EML1: variants seen among roughly 807,000 people sequenced by gnomAD.
EML1 encodes the protein EMAP like 1.
A neutral mutation model predicts 110.4 loss-of-function variants in EML1; 27 were observed. The observed-to-expected ratio is 0.24, with a 90% CI of 0.18 to 0.34. The LOEUF (loss-of-function observed/expected upper bound fraction) is 0.34, where lower values mean the gene tolerates loss of function less well. Among genes scored for constraint, EML1 ranks in the 10% least tolerant of loss-of-function variants. The pLI is 1.00. For missense variants in EML1, 741 were observed against 1,030.9 expected, an observed-to-expected ratio of 0.72 and a Z score of 3.85; for synonymous variants, 344 against 385.8, an observed-to-expected ratio of 0.89 and a Z score of 1.27.
chr14:99,803,205 T>C (rs2057913788), intron 1 of EML1, among the ~76,000 whole-genome samples: 1 of 152,190 alleles, frequency 6.6e-6, no homozygotes, highest in Non-Finnish European at 1.5e-5. Flanking sequence ...CCATCTTATT[T>C]ATCTTATAGC....
At chr14:99,873,074 G>A (rs2059231649) in intron 3 of EML1, among the ~76,000 whole-genome samples, 1 of 152,172 alleles carries the variant, frequency 6.6e-6, no homozygotes, top group South Asian at 2.1e-4. Flanking sequence ...GAAAATCCAG[G>A]GAAGACATTG....
Position 99,753,208 on chromosome 14 carries a change from C to T in EML1, c.28+15348C>T, listed in dbSNP as rs1311814461. Among the ~76,000 whole-genome samples, 7 of 134,174 alleles carry T rather than the reference C, an allele frequency of 5.2e-5. 1 individual carries two copies. The highest frequency in any genetic ancestry group is 1.1e-4 in the Non-Finnish European group (7 of 61,314). 88.0% of individuals were successfully genotyped at this position (134,174 alleles called of 152,430 possible). Reference sequence around the variant, plus strand: ...ACCCGCACCCCCCGCCCCCCCGCCGCCCCCCCACCCCCCACTGCCCCCGCA... The same window carrying T: ...ACCCGCACCCCCCGCCCCCCCGCCGTCCCCCCACCCCCCACTGCCCCCGCA... On this transcript the variant is annotated intron_variant, in intron 1 of 10. Coordinates refer to the EML1 transcript ENST00000554479.
At chr14:99,741,803 C>A (rs2057045953) in intron 1 of EML1, among the ~76,000 whole-genome samples, 1 of 152,152 alleles carries the variant, frequency 6.6e-6, no homozygotes, top group African/African-American at 2.4e-5. Context: ...GGTGGGGGGG[C>A]CTGGCGTGGT....
chr14:99,801,089 C>T (rs1459683636), intron 1 of EML1, among the ~76,000 whole-genome samples: 1 of 152,216 alleles, frequency 6.6e-6, no homozygotes, highest in Admixed American at 6.5e-5. Context: ...CTCTGCAAAG[C>T]CCCTGTAAGG....
intron 1 of EML1, among the ~76,000 whole-genome samples, chr14:99,812,561 C>T (rs569220556): frequency 1.3e-4 from 19 of 151,064 alleles, no homozygotes; most frequent in African/African-American, 3.6e-4. Context: ...CATTGTCCCA[C>T]GGCCCTCCCT....
At chr14:99,793,268 C>T (rs1466220334), upstream of EML1, 5 of 938,994 alleles carry the variant, frequency 5.3e-6, no homozygotes, top group African/African-American at 3.6e-5. Context: ...CCGCCGAGGC[C>T]GCCCCCTCGC....
At position 99,739,065 on chromosome 14, in the gene EML1, A is replaced by AGTGTGTGTGTGTGTGTGTGT. The variant is rs35246718; in HGVS notation, c.28+1213_28+1232dup. 6.0e-3 allele frequency among the ~76,000 whole-genome samples: 840 copies of AGTGTGTGTGTGTGTGTGTGT among 138,952 alleles called. 6 individuals carry two copies. Among genetic ancestry groups the AGTGTGTGTGTGTGTGTGTGT allele is most frequent in the Non-Finnish European group, 9.6e-3 (631 of 65,480 alleles). 91.2% of individuals were successfully genotyped at this position (138,952 alleles called of 152,430 possible). A position where few individuals can be genotyped will look rare whatever the true frequency, so the allele number is the denominator to read the frequency against. On this transcript the variant is annotated intron_variant, in intron 1 of 10. Coordinates refer to the EML1 transcript ENST00000554479. ...GGAACAGAGCAAGTGAGAGTGTGAG[A>AGTGTGTGTGTGTGTGTGTGT]GTGTGTGTGTGTGTGTGTGTGTGTG...
rs12432209 is a variant in EML1 at position 99,865,318 on chromosome 14, G to A, written c.251-196G>A. Reference sequence around the variant, plus strand: ...TATGAGAATCTAATCTGATCTGACAGGAGGCAGAGCTCAGGTGGTAACATG... The same window carrying A: ...TATGAGAATCTAATCTGATCTGACAAGAGGCAGAGCTCAGGTGGTAACATG... On this transcript the variant is annotated intron_variant, in intron 2 of 21. Transcript: ENST00000262233. Among the ~76,000 whole-genome samples, 40,358 of 152,072 alleles carry A rather than the reference G, an allele frequency of 0.27. 5,834 individuals carry two copies. The highest frequency in any genetic ancestry group is 0.32 in the Non-Finnish European group (21,843 of 67,980).
intron 1 of EML1, among the ~76,000 whole-genome samples, chr14:99,750,520 A>ACCTCT (rs1024762993): frequency 3.3e-5 from 5 of 152,050 alleles, no homozygotes. Flanking sequence ...AAGTCAGATA[A>ACCTCT]CCTCTCTGGG....
intron 1 of EML1, among the ~76,000 whole-genome samples, chr14:99,829,418 G>A (rs2058413314): frequency 1.3e-5 from 2 of 152,156 alleles, no homozygotes; most frequent in South Asian, 2.1e-4. Flanking sequence ...TTTCTTGAAA[G>A]CCAGTCTTTC....
intron 17 of EML1, 91 bp from the exon 18 acceptor site, chr14:99,935,938 C>T (rs1383240717): frequency 5.7e-6 from 7 of 1,224,368 alleles, no homozygotes; most frequent in Non-Finnish European, 8.3e-6. Context: ...GTGATTTTGT[C>T]TAAATCTGTG....
intron 3 of EML1, among the ~76,000 whole-genome samples, chr14:99,878,183 T>C (rs2059325887): frequency 6.6e-6 from 1 of 151,542 alleles, no homozygotes; most frequent in Non-Finnish European, 1.5e-5. Flanking sequence ...TGAAGCCTAC[T>C]CAAGGGCAGG....
At chr14:99,832,205 T>C (rs988926975) in intron 1 of EML1, among the ~76,000 whole-genome samples, 12 of 152,210 alleles carry the variant, frequency 7.9e-5, no homozygotes, top group African/African-American at 2.7e-4. Context: ...CTTGTATCAA[T>C]GTTAATATGT....
chr14:99,896,606 C>T (rs1453240669), intron 6 of EML1, among the ~76,000 whole-genome samples: 2 of 152,172 alleles, frequency 1.3e-5, no homozygotes, highest in African/African-American at 4.8e-5. Context: ...CATTATTTGG[C>T]ATCTTGCCGG....
At chr14:99,770,174 C>T (rs1240078357), upstream of EML1, among the ~76,000 whole-genome samples, 2 of 152,122 alleles carry the variant, frequency 1.3e-5, no homozygotes, top group Non-Finnish European at 2.9e-5. Flanking sequence ...AAAAGAATAT[C>T]ATAGACTTGG....
At chr14:99,753,794 G>T (rs1322837065) in intron 1 of EML1, among the ~76,000 whole-genome samples, 2 of 152,202 alleles carry the variant, frequency 1.3e-5, no homozygotes, top group Non-Finnish European at 2.9e-5. Flanking sequence ...GAAAATTGCT[G>T]TCTGCAAGGC....
chr14:99,826,896 C>A (rs2058369854), intron 1 of EML1, among the ~76,000 whole-genome samples: 1 of 152,180 alleles, frequency 6.6e-6, no homozygotes, highest in East Asian at 1.9e-4. Flanking sequence ...AGGACTTCAT[C>A]TTGACTAGGG....
rs2058371859 is a variant in EML1 at position 99,827,011 on chromosome 14, A to G, written c.68-23842A>G. ...TCATTCATTCAGCGCCAGATTTTGTACACGTACTAAGTGCTGAATAAATAC... is the reference window on the plus strand; with the variant it reads ...TCATTCATTCAGCGCCAGATTTTGTGCACGTACTAAGTGCTGAATAAATAC... On this transcript the variant is annotated intron_variant, in intron 1 of 21. Transcript: ENST00000262233. This position sits in a 1 kb window ranked among gnomAD's most constrained non-coding sequence, Gnocchi z 4.4. Among the ~76,000 whole-genome samples the G allele has an allele frequency of 6.6e-6, 1 of 151,888 alleles. No individual in the cohort carries two copies. The highest frequency in any genetic ancestry group is 2.4e-5 in the African/African-American group (1 of 41,428).
chr14:99,771,632 T>G (rs1216459207), upstream of EML1, among the ~76,000 whole-genome samples: 1 of 152,126 alleles, frequency 6.6e-6, no homozygotes, highest in East Asian at 1.9e-4. Context: ...GGCAACATGG[T>G]GAAACCCCAT....
Sources: allele counts gnomAD v4.1 joint callset (sites outside exome capture counted in the v4.1 genomes callset), GRCh38; gene constraint gnomAD v4.1.1; non-coding constraint Gnocchi (gnomAD v3.1); transcripts MANE v1.5; gene names NCBI Gene and HGNC (gene_info 2026-07-23, HGNC 2026-07-21).